Variants in EPB41L4A observed in about 807,000 individuals in gnomAD.
EPB41L4A encodes the protein erythrocyte membrane protein band 4.1 like 4A, also known as band 4.1-like protein 4A.
Under a neutral mutation model 108.6 loss-of-function variants are expected in EPB41L4A, and 100 were observed. The ratio of observed to expected loss-of-function variants is 0.92; its 90% confidence interval spans 0.78 to 1.09. The LOEUF (loss-of-function observed/expected upper bound fraction) is 1.09. Among genes scored for constraint, EPB41L4A ranks in the 50% least tolerant of loss-of-function variants. The pLI, the probability that EPB41L4A is intolerant of heterozygous loss-of-function variation, is 0.00. For synonymous variants in EPB41L4A, 319 were observed against 289.0 expected (o/e 1.10, Z -1.05); for missense variants, 1,030 against 842.7 (o/e 1.22, Z -2.75).
chr5:112,292,853 T>C (rs1336455868), intron 2 of EPB41L4A, among the ~76,000 whole-genome samples: 2 of 152,164 alleles, frequency 1.3e-5, no homozygotes, highest in Non-Finnish European at 2.9e-5. Flanking sequence ...AAAATCACTG[T>C]TTTCCCATTA....
chr5:112,316,106 A>T (rs1219516942), intron 1 of EPB41L4A, among the ~76,000 whole-genome samples: 1 of 152,236 alleles, frequency 6.6e-6, no homozygotes, highest in African/African-American at 2.4e-5. Context: ...CACTAGTAGG[A>T]CAAGTTTATT....
chr5:112,382,761 G>T (rs1760255027), intron 1 of EPB41L4A, among the ~76,000 whole-genome samples: 1 of 152,140 alleles, frequency 6.6e-6, no homozygotes, highest in Non-Finnish European at 1.5e-5. Context: ...TATATAGGTA[G>T]CAGGTGTGTC....
chr5:112,351,903 A>T (rs1758067268), intron 1 of EPB41L4A, among the ~76,000 whole-genome samples: 1 of 152,218 alleles, frequency 6.6e-6, no homozygotes, highest in Non-Finnish European at 1.5e-5. Flanking sequence ...GAACCATAAG[A>T]TCATCTTGGT....
At chr5:112,419,811 G>C (rs114273567), upstream of EPB41L4A, 96 of 456,776 alleles carry the variant, frequency 2.1e-4, 1 homozygote, top group African/African-American at 1.9e-3. Context: ...CCCGTCCGGG[G>C]ACTCCCGAGC....
At chr5:112,196,452 A>G (rs1371582302) in intron 15 of EPB41L4A, among the ~76,000 whole-genome samples, 1 of 152,220 alleles carries the variant, frequency 6.6e-6, no homozygotes, top group Non-Finnish European at 1.5e-5. Flanking sequence ...AACCAAGATA[A>G]GCTGTTATTG....
intron 1 of EPB41L4A, among the ~76,000 whole-genome samples, chr5:112,361,000 GC>G (rs1561606652): frequency 6.6e-6 from 1 of 152,120 alleles, no homozygotes; most frequent in Non-Finnish European, 1.5e-5. Flanking sequence ...CCGCCCGGCA[GC>G]CGCCCTGTCT....
rs1337302355 is a variant in EPB41L4A at position 112,419,189 on chromosome 5, C to T, written c.-150G>A. The T allele has an allele frequency of 1.1e-5, 6 of 547,644 alleles. No homozygotes were observed. The highest frequency in any genetic ancestry group is 6.4e-6 in the Non-Finnish European group (2 of 312,064). 33.9% of individuals were successfully genotyped at this position (547,644 alleles called of 1,614,324 possible). ...CCGGCGGGGTCCGGGGACCGGCCGC[C>T]GAACCGCCCGGCGGGGCGGGAGCGA... On this transcript the variant is annotated 5_prime_UTR_variant, in exon 1 of 23. Transcript: ENST00000261486.
At position 112,193,807 on chromosome 5, in the gene EPB41L4A, T is replaced by C. The variant is rs115879086; in HGVS notation, c.1502+761A>G. 9.8e-3 allele frequency among the ~76,000 whole-genome samples: 1,496 copies of C among 152,270 alleles called. 33 individuals carry two copies. The highest frequency in any genetic ancestry group is 0.035 in the African/African-American group (1,441 of 41,536). On this transcript the variant is annotated intron_variant, in intron 17 of 22. Transcript: ENST00000261486. The stretch of plus-strand genomic sequence containing the variant: ...CAGTTGCAATCCCCCTATCCAATTG[T>C]CACGATAAAAAATGACTCTGGACAT...
Position 112,257,654 on chromosome 5 carries a change from A to G in EPB41L4A, c.795+1575T>C, listed in dbSNP as rs1751200749. Among the ~76,000 whole-genome samples the G allele has an allele frequency of 2.6e-5, 4 of 152,214 alleles. No individual in the cohort carries two copies. In the South Asian group the frequency reaches 8.3e-4, roughly 31 times the overall value. ...ACATATATTTTAAGGCACTGTAATAATAACATGAAAGTCATTCACCAGAGG... is the reference window on the plus strand; with the variant it reads ...ACATATATTTTAAGGCACTGTAATAGTAACATGAAAGTCATTCACCAGAGG... On this transcript the variant is annotated intron_variant, in intron 9 of 22. Transcript: ENST00000261486.
At chr5:112,158,965 C>T (rs779108405), downstream of EPB41L4A, among the ~76,000 whole-genome samples, 17 of 152,198 alleles carry the variant, frequency 1.1e-4, no homozygotes, top group Non-Finnish European at 1.2e-4. Flanking sequence ...CTTTAAAGGA[C>T]AATCTTCGTG....
chr5:112,394,903 A>G (rs1378173972), intron 1 of EPB41L4A, among the ~76,000 whole-genome samples: 1 of 152,218 alleles, frequency 6.6e-6, no homozygotes, highest in Non-Finnish European at 1.5e-5. Context: ...AGAGATATAG[A>G]CCAATGGAAC....
At chr5:112,238,462 C>T (rs79075531) in intron 11 of EPB41L4A, among the ~76,000 whole-genome samples, 4,394 of 152,234 alleles carry the variant, frequency 0.029, 227 homozygotes, top group African/African-American at 0.1. Context: ...ATGCACTGAA[C>T]GTTTAATATT....
chr5:112,234,189 A>T (rs1390256221), intron 12 of EPB41L4A, among the ~76,000 whole-genome samples: 1 of 57,112 alleles, frequency 1.8e-5, no homozygotes, highest in Non-Finnish European at 4.2e-5. Context: ...TAAAATTAAA[A>T]TAAAATAAAA....
chr5:112,289,009 A>G (rs1487473850), intron 2 of EPB41L4A, among the ~76,000 whole-genome samples: 1 of 152,150 alleles, frequency 6.6e-6, no homozygotes, highest in Non-Finnish European at 1.5e-5. Context: ...TAAAAAGAAT[A>G]TAAATAATTT....
chr5:112,231,027 A>G (rs1216240705), intron 12 of EPB41L4A, among the ~76,000 whole-genome samples: 1 of 152,352 alleles, frequency 6.6e-6, no homozygotes, highest in South Asian at 2.1e-4. Context: ...TTTTTAGAAT[A>G]AAAATGATGA....
intron 15 of EPB41L4A, among the ~76,000 whole-genome samples, chr5:112,196,091 T>A (rs1761954345): frequency 6.6e-6 from 1 of 152,030 alleles, no homozygotes; most frequent in Non-Finnish European, 1.5e-5. Flanking sequence ...TCTCATAATC[T>A]CCTCCACTTC....
intron 1 of EPB41L4A, among the ~76,000 whole-genome samples, chr5:112,353,263 TG>T (rs1374340610): frequency 6.6e-6 from 1 of 152,154 alleles, no homozygotes; most frequent in Non-Finnish European, 1.5e-5. Context: ...GAACCAAGCA[TG>T]TCTTTGGACA....
chr5:112,200,113 A>T (rs1580417968), intron 15 of EPB41L4A, among the ~76,000 whole-genome samples: 1 of 151,974 alleles, frequency 6.6e-6, no homozygotes, highest in East Asian at 1.9e-4. Context: ...ATTTTTATTC[A>T]CTCTCAGAGT....
At chr5:112,210,859 T>G (rs1351678657) in intron 12 of EPB41L4A, among the ~76,000 whole-genome samples, 1 of 152,070 alleles carries the variant, frequency 6.6e-6, no homozygotes, top group African/African-American at 2.4e-5. Context: ...TAGGTCTATG[T>G]GCCATACAGG....
Sources: allele counts gnomAD v4.1 joint callset (sites outside exome capture counted in the v4.1 genomes callset), GRCh38; gene constraint gnomAD v4.1.1; transcripts MANE v1.5; gene names NCBI Gene and HGNC (gene_info 2026-07-23, HGNC 2026-07-21).